Variants in ANKHD1 observed in about 807,000 individuals in gnomAD.
ANKHD1 encodes ankyrin repeat and KH domain containing 1, also known as ankyrin repeat and KH domain-containing protein 1.
In ANKHD1, 31 loss-of-function variants were observed where a neutral mutation model predicts 230.5. The observed-to-expected ratio is 0.13, with a 90% confidence interval of 0.10 to 0.18. The LOEUF (loss-of-function observed/expected upper bound fraction) is 0.18. ANKHD1 is among the 10% of genes least tolerant of loss of function. The probability of loss-of-function intolerance (pLI) is 1.00; values close to 1 mark genes in which losing one functional copy is unlikely to be tolerated. For synonymous variants in ANKHD1, 1,074 were observed against 1,117.6 expected (o/e 0.96, Z 0.78); for missense variants, 2,256 against 3,071.3 (o/e 0.73, Z 6.27).
At chr5:140,430,508 G>A (rs945540769) in intron 1 of ANKHD1, among the ~76,000 whole-genome samples, 6 of 152,074 alleles carry the variant, frequency 3.9e-5, no homozygotes, top group African/African-American at 1.4e-4. Context: ...AATTTCATTA[G>A]ACATACTATT....
intron 1 of ANKHD1, among the ~76,000 whole-genome samples, chr5:140,426,952 A>G (rs947528354): frequency 9.2e-5 from 14 of 152,288 alleles, no homozygotes; most frequent in African/African-American, 2.4e-4. Context: ...CGATTTCTCA[A>G]TCTTTTCCCC....
At chr5:140,430,020 A>G (rs961966513) in intron 1 of ANKHD1, among the ~76,000 whole-genome samples, 12 of 152,230 alleles carry the variant, frequency 7.9e-5, no homozygotes, top group Admixed American at 2.6e-4. Flanking sequence ...TCAAAATGGA[A>G]TAAAAATGGG....
intron 7 of ANKHD1, among the ~76,000 whole-genome samples, chr5:140,454,825 A>G (rs539102989): frequency 2.6e-5 from 4 of 152,324 alleles, no homozygotes; most frequent in Non-Finnish European, 5.9e-5. Context: ...GAGCAAACAC[A>G]TTCAAAAGCT....
At chr5:140,458,088 G>A (rs1235105160) in intron 7 of ANKHD1, among the ~76,000 whole-genome samples, 1 of 152,112 alleles carries the variant, frequency 6.6e-6, no homozygotes, top group East Asian at 1.9e-4. Flanking sequence ...ATATAGGATG[G>A]TGTCAATCCA....
intron 1 of ANKHD1, among the ~76,000 whole-genome samples, chr5:140,424,799 T>C (rs1202138883): frequency 6.6e-6 from 1 of 152,254 alleles, no homozygotes; most frequent in Non-Finnish European, 1.5e-5. Flanking sequence ...GTATTTGTTT[T>C]AGTTACACTC....
Position 140,497,281 on chromosome 5 carries a change from G to A in ANKHD1, c.3004+3G>A. 6.3e-7 allele frequency: 1 copy of A among 1,594,014 alleles called. No homozygotes were observed. Among genetic ancestry groups the A allele is most frequent in the Non-Finnish European group, 8.5e-7 (1 of 1,176,230 alleles). On this transcript the variant is annotated splice_donor_region_variant and intron_variant, in intron 15 of 33. Transcript: ENST00000360839. ...CACTCTTGATGACCTGATAGCAGGT[G>A]GGTTAAGAAATATATCTGTAATAAT...
chr5:140,436,330 C>T, intron 2 of ANKHD1, 73 bp downstream of exon 2: 1 of 1,313,324 alleles, frequency 7.6e-7, no homozygotes, highest in Non-Finnish European at 9.8e-7. Flanking sequence ...ATGAGATTAT[C>T]CCCAAATTCT....
At chr5:140,487,190 C>A in intron 14 of ANKHD1, 130 bp downstream of exon 14, 1 of 1,021,044 alleles carries the variant, frequency 9.8e-7, no homozygotes, top group Non-Finnish European at 1.3e-6. Context: ...CTGACAAATG[C>A]AAATAGTCTT....
intron 14 of ANKHD1, among the ~76,000 whole-genome samples, chr5:140,489,882 G>A (rs1056943457): frequency 2.6e-5 from 4 of 152,144 alleles, no homozygotes; most frequent in African/African-American, 9.7e-5. Flanking sequence ...ATCAAACTGC[G>A]ATAGTGCATT....
At chr5:140,418,499 TA>T (rs1771590946) in intron 1 of ANKHD1, among the ~76,000 whole-genome samples, 1 of 152,284 alleles carries the variant, frequency 6.6e-6, no homozygotes, top group Middle Eastern at 3.4e-3. Flanking sequence ...CTAACTATTC[TA>T]AAACACTTTT....
chr5:140,528,098 T>A lies in ANKHD1; in HGVS notation c.5237+76T>A, dbSNP rs575277562. On this transcript the variant is annotated intron_variant, in intron 28 of 33. Transcript: ENST00000360839. ...CATACCTTTGTCAGGTATGGTATAA[T>A]TAAGAACTTTATTTGATGGTTAAGA... The A allele has an allele frequency of 6.0e-4, 934 of 1,560,688 alleles. 11 individuals carry two copies. Among genetic ancestry groups the A allele is most frequent in the Middle Eastern group, 1.7e-4 (1 of 5,758 alleles).
chr5:140,503,381 C>T (rs1422272717), intron 15 of ANKHD1, among the ~76,000 whole-genome samples: 1 of 151,814 alleles, frequency 6.6e-6, no homozygotes, highest in African/African-American at 2.4e-5. Flanking sequence ...TGAGCACCCA[C>T]CATTTGCTAA....
rs778937995 is a variant in ANKHD1, at chr5:140,513,323, C to T, written c.4201-40C>T. 3 of 1,558,784 alleles carry T rather than the reference C, an allele frequency of 1.9e-6. No individual in the cohort carries two copies. The South Asian group carries it at 3.7e-5, about 19-fold the overall frequency. ...CATCAGCTTAAGTTTTATTTGGCCT[C>T]TTTCATTATATATTTACATAATTCT... On this transcript the variant is annotated intron_variant, in intron 23 of 33. Transcript: ENST00000360839.
intron 24 of ANKHD1, among the ~76,000 whole-genome samples, chr5:140,522,593 CATG>C (rs1312364374): frequency 5.9e-5 from 9 of 152,112 alleles, no homozygotes; most frequent in African/African-American, 2.2e-4. Context: ...TCTACTTGAT[CATG>C]ATGTTTTTTC....
intron 10 of ANKHD1, among the ~76,000 whole-genome samples, chr5:140,480,329 C>A (rs1288678665): frequency 2.0e-5 from 3 of 151,946 alleles, no homozygotes; most frequent in African/African-American, 7.2e-5. Flanking sequence ...TGGGACTGTA[C>A]TTTCTGATTT....
chr5:140,478,266 A>C (rs1751073845), intron 10 of ANKHD1, among the ~76,000 whole-genome samples: 1 of 151,960 alleles, frequency 6.6e-6, no homozygotes. Flanking sequence ...AAAGAGATAC[A>C]AAAAATATAG....
chr5:140,477,639 G>A (rs1751038963), intron 10 of ANKHD1, among the ~76,000 whole-genome samples: 1 of 152,106 alleles, frequency 6.6e-6, no homozygotes, highest in Non-Finnish European at 1.5e-5. Context: ...TTGAGACGGA[G>A]TCTCACTCTG....
At chr5:140,494,978 C>A (rs987674892) in intron 14 of ANKHD1, among the ~76,000 whole-genome samples, 2 of 152,098 alleles carry the variant, frequency 1.3e-5, no homozygotes, top group African/African-American at 4.8e-5. Context: ...ACCATCATCA[C>A]TATCTAGTTT....
intron 17 of ANKHD1, 148 bp downstream of exon 17, chr5:140,505,381 G>A (rs1348532891): frequency 2.2e-5 from 23 of 1,031,410 alleles, no homozygotes; most frequent in South Asian, 3.5e-5. Context: ...ATTATTCTGC[G>A]GAGCCAAATA....
Sources: allele counts gnomAD v4.1 joint callset (sites outside exome capture counted in the v4.1 genomes callset), GRCh38; gene constraint gnomAD v4.1.1; transcripts MANE v1.5; gene names NCBI Gene and HGNC (gene_info 2026-07-23, HGNC 2026-07-21).